Variants in LDHB observed in about 807,000 individuals in gnomAD.
LDHB encodes L-lactate dehydrogenase B chain.
Under a neutral mutation model 33.4 loss-of-function variants are expected in LDHB, and 18 were observed. The ratio of observed to expected loss-of-function variants is 0.54; its 90% CI spans 0.37 to 0.80. The LOEUF (loss-of-function observed/expected upper bound fraction) is 0.80. LDHB is among the 30% of genes least tolerant of loss of function. The pLI, the probability that LDHB is intolerant of heterozygous loss-of-function variation, is 0.00. For missense variants in LDHB, 345 were observed against 407.9 expected (o/e 0.85, Z 1.33); for synonymous variants, 121 against 140.6 (o/e 0.86, Z 0.98).
intron 6 of LDHB, chr12:21,637,413 T>A (rs1938248740): frequency 9.1e-6 from 4 of 438,500 alleles, no homozygotes; most frequent in Non-Finnish European, 1.6e-5. Flanking sequence ...AAATGCTTGA[T>A]AACTTTAGTT....
chr12:21,638,845 TA>T (rs1938286923), intron 5 of LDHB, among the ~76,000 whole-genome samples: 1 of 151,970 alleles, frequency 6.6e-6, no homozygotes, highest in South Asian at 2.1e-4. Context: ...ATTTTTCTAA[TA>T]TATGCTCCTT....
chr12:21,643,282 GC>G (rs966195764), intron 4 of LDHB, among the ~76,000 whole-genome samples: 1 of 152,178 alleles, frequency 6.6e-6, no homozygotes, highest in African/African-American at 2.4e-5. Context: ...TCACCAACAT[GC>G]AGTAATTTTG....
chr12:21,643,935 C>G lies in LDHB; in HGVS notation c.421G>C (p.Val141Leu). 1 of 1,601,478 alleles carries G rather than the reference C, an allele frequency of 6.2e-7. No homozygotes were observed. The highest frequency in any genetic ancestry group is 8.6e-7 in the Non-Finnish European group (1 of 1,168,634). The part of the protein sequence containing the change: ...DCIIIVVSNP[V>L]DILTYVTWKL... ...AGAGACTTAAAGTATACAATAATAC[C>G]TGGGTTGGAAACCACAATTATGATG... The change falls in exon 4 of 8, where the codon GTG becomes CTG. Residue 141 changes from valine to leucine, a missense_variant and splice_region_variant. Coordinates refer to ENST00000350669, the MANE Select transcript of LDHB (RefSeq NM_002300.8).
Position 21,642,054 on chromosome 12 carries a change from T to A in LDHB, c.493A>T (p.Asn165Tyr). The stretch of plus-strand genomic sequence containing the variant: ...TAGCGAAATCTAGCAGAATCCAGAT[T>A]ACATCCACTTCCAATCACGCGGTGT... ...PKHRVIGSGC[N>Y]LDSARFRYLM... The change falls in exon 5 of 8, where the codon AAT (asparagine) becomes TAT (tyrosine). Residue 165 changes from asparagine to tyrosine, a missense_variant. Physicochemically the swap from Asn to Tyr is moderately radical, Grantham distance 143. Transcript: ENST00000350669. 1 of 1,613,648 alleles carries A rather than the reference T, an allele frequency of 6.2e-7. No homozygotes were observed. The highest frequency in any genetic ancestry group is 8.5e-7 in the Non-Finnish European group (1 of 1,179,648).
intron 4 of LDHB, among the ~76,000 whole-genome samples, chr12:21,643,373 G>C (rs777341119): frequency 3.8e-4 from 58 of 152,234 alleles, no homozygotes; most frequent in Admixed American, 1.5e-3. Flanking sequence ...ATTCTTTCTA[G>C]TCAGAAGGTT....
Position 21,646,938 on chromosome 12 carries a change from T to A in LDHB, c.208A>T (p.Ser70Cys). 1 of 1,613,048 alleles carries A rather than the reference T, an allele frequency of 6.2e-7. No homozygotes were observed. Among genetic ancestry groups the A allele is most frequent in the Non-Finnish European group, 8.5e-7 (1 of 1,179,122 alleles). ...ATTTTAGGTGTCTGAAGAAATAAGCTCCCATGCTGCAGATCCATCATTTCT... is the reference window on the plus strand; with the variant it reads ...ATTTTAGGTGTCTGAAGAAATAAGCACCCATGCTGCAGATCCATCATTTCT... The part of the protein sequence containing the change: ...KGEMMDLQHG[S>C]LFLQTPKIVA... The change falls in exon 3 of 8, where the codon AGC becomes TGC. Residue 70 changes from serine to cysteine, a missense_variant. Ser to Cys is a moderately radical substitution (Grantham distance 112, BLOSUM62 -1). Coordinates refer to ENST00000350669, the MANE Select transcript of LDHB (RefSeq NM_002300.8).
At chr12:21,641,530 G>A (rs1938367289) in intron 5 of LDHB, among the ~76,000 whole-genome samples, 2 of 152,164 alleles carry the variant, frequency 1.3e-5, no homozygotes, top group Admixed American at 6.6e-5. Context: ...GCCTAGAATG[G>A]ATTCTGAATT....
intron 3 of LDHB, among the ~76,000 whole-genome samples, chr12:21,644,446 C>CAAAAAAAAAAAAAAAAAAAA (rs374761135): frequency 1.8e-5 from 2 of 108,834 alleles, no homozygotes; most frequent in African/African-American, 3.4e-5. Context: ...AAAAAAAAAA[C>CAAAAAAAAAAAAAAAAAAAA]AAAAACAAAA....
intron 6 of LDHB, among the ~76,000 whole-genome samples, 164 bp downstream of exon 6, chr12:21,638,189 T>G (rs1478219235): frequency 3.9e-5 from 6 of 152,034 alleles, no homozygotes; most frequent in Non-Finnish European, 8.8e-5. Context: ...GAGACTGGCA[T>G]AGCAAGTTTG....
chr12:21,644,017 T>C lies in LDHB; in HGVS notation c.339A>G (p.Arg113=). The change falls in exon 4 of 8, where the codon AGA becomes AGG. Residue 113 remains arginine, a synonymous_variant. Transcript: ENST00000350669. ...EGESRLNLVQ[R]NVNVFKFIIP... The stretch of plus-strand genomic sequence containing the variant: ...TAATGAATTTGAAGACATTAACATT[T>C]CTCTGCACCAGATTGAGCCGACTCT... The C allele has an allele frequency of 6.2e-7, 1 of 1,612,420 alleles. No individual in the cohort carries two copies. The highest frequency in any genetic ancestry group is 8.5e-7 in the Non-Finnish European group (1 of 1,178,486).
intron 2 of LDHB, among the ~76,000 whole-genome samples, chr12:21,652,277 GAA>G (rs1336959777): frequency 6.6e-6 from 1 of 152,102 alleles, no homozygotes; most frequent in African/African-American, 2.4e-5. Flanking sequence ...AAAGAAAATT[GAA>G]AAGTCACTAT....
At chr12:21,644,434 A>AAAAAAAC (rs1565627625) in intron 3 of LDHB, among the ~76,000 whole-genome samples, 3 of 104,512 alleles carry the variant, frequency 2.9e-5, no homozygotes, top group East Asian at 5.7e-4. Context: ...CAAAAAAAAA[A>AAAAAAAC]AAAAAAAAAA....
rs984205555 is a variant in LDHB at position 21,635,402 on chromosome 12, A to G, written c.*140T>C. 39 of 754,028 alleles carry G rather than the reference A, an allele frequency of 5.2e-5. No individual in the cohort carries two copies. The African/African-American group carries it at 6.6e-4, about 13-fold the overall frequency. 46.7% of individuals were successfully genotyped at this position (754,028 alleles called of 1,614,324 possible). On this transcript the variant is annotated 3_prime_UTR_variant, in exon 8 of 8. Transcript: ENST00000350669. ...TCAGATTGCAAGCATTAAACCAAGC[A>G]TAGGCTTTGATTCTGTGAGCCCAAA...
chr12:21,640,337 A>G (rs1262383863), intron 5 of LDHB, among the ~76,000 whole-genome samples: 2 of 32,450 alleles, frequency 6.2e-5, no homozygotes, highest in Non-Finnish European at 1.8e-4. Flanking sequence ...AATTGTCTGA[A>G]CACGAAGCAC....
intron 7 of LDHB, among the ~76,000 whole-genome samples, chr12:21,636,392 G>C (rs1379480445): frequency 2.0e-5 from 3 of 150,974 alleles, no homozygotes; most frequent in African/African-American, 7.3e-5. Flanking sequence ...ACCAGTTCGT[G>C]TGGGTAATTT....
chr12:21,653,399 C>A (rs971629951), intron 2 of LDHB, among the ~76,000 whole-genome samples: 3 of 152,142 alleles, frequency 2.0e-5, no homozygotes, highest in African/African-American at 7.2e-5. Context: ...TGAACTGGAA[C>A]AATTTCATCC....
rs142793231 is a variant in LDHB at position 21,648,717 on chromosome 12, C to T, written c.130-1701G>A. Among the ~76,000 whole-genome samples the T allele has an allele frequency of 1.0e-3, 158 of 152,274 alleles. 2 individuals carry two copies. The highest frequency in any genetic ancestry group is 3.6e-3 in the African/African-American group (150 of 41,526). The stretch of plus-strand genomic sequence containing the variant: ...CTTGTTAGATAAAGCAAGTCTCCTC[C>T]CTGGAATACAATGAATAAACACTGT... On this transcript the variant is annotated intron_variant, in intron 2 of 7. Transcript: ENST00000350669.
chr12:21,654,498 T>C (rs1677078), intron 2 of LDHB, 45 bp downstream of exon 2: 1,571,176 of 1,589,842 alleles, frequency 0.99, 777,694 homozygotes, highest in East Asian at 1. Flanking sequence ...AAACTGTGTA[T>C]ACATGCTGAA....
intron 2 of LDHB, among the ~76,000 whole-genome samples, chr12:21,648,903 T>A (rs759819846): frequency 8.5e-5 from 13 of 152,214 alleles, no homozygotes; most frequent in Non-Finnish European, 1.3e-4. Flanking sequence ...GATCATTCTG[T>A]GAGTTGGGGA....
Sources: allele counts gnomAD v4.1 joint callset (sites outside exome capture counted in the v4.1 genomes callset), GRCh38; gene constraint gnomAD v4.1.1; transcripts MANE v1.5; gene names NCBI Gene and HGNC (gene_info 2026-07-23, HGNC 2026-07-21).